KAZN: variants seen among roughly 807,000 people sequenced by gnomAD.
KAZN encodes kazrin.
KAZN carries 40 observed loss-of-function variants against 87.4 expected under a neutral mutation model. The ratio of observed to expected loss-of-function variants is 0.46; its 90% CI spans 0.36 to 0.60. The LOEUF (loss-of-function observed/expected upper bound fraction) is 0.60. KAZN is among the 20% of genes least tolerant of loss of function. KAZN has a pLI of 0.00. For synonymous variants in KAZN, 466 were observed against 458.3 expected, an observed-to-expected ratio of 1.02 and a Z score of -0.22; for missense variants, 898 against 1,073.9, an observed-to-expected ratio of 0.84 and a Z score of 2.29.
chr1:14,641,339 C>T (rs572837858), intron 1 of KAZN, among the ~76,000 whole-genome samples: 4 of 152,314 alleles, frequency 2.6e-5, no homozygotes, highest in African/African-American at 9.6e-5. Flanking sequence ...GATATCCCTG[C>T]ATCCAGTTGG....
intron 2 of KAZN, among the ~76,000 whole-genome samples, chr1:14,356,970 A>G (rs948403254): frequency 3.9e-5 from 6 of 152,216 alleles, no homozygotes; most frequent in African/African-American, 9.6e-5. Context: ...AAGAAAGTCA[A>G]TGGTGGCTTG....
chr1:14,303,121 A>C (rs1027647842), intron 2 of KAZN, among the ~76,000 whole-genome samples: 1 of 152,186 alleles, frequency 6.6e-6, no homozygotes, highest in Admixed American at 6.5e-5. Flanking sequence ...TTTAATGATT[A>C]AACAAAGAAG....
At chr1:14,126,934 C>A (rs7519861) in intron 1 of KAZN, among the ~76,000 whole-genome samples, 2 of 151,918 alleles carry the variant, frequency 1.3e-5, no homozygotes, top group Non-Finnish European at 2.9e-5. Flanking sequence ...GGTGAAACCC[C>A]GTCTCTACTA....
intron 1 of KAZN, among the ~76,000 whole-genome samples, chr1:14,906,543 T>G (rs1409166533): frequency 9.2e-5 from 14 of 151,864 alleles, no homozygotes; most frequent in Non-Finnish European, 5.9e-5. Context: ...TAAAGTTTAT[T>G]TTACTTTCTG....
chr1:13,983,689 C>T (rs12070438), intron 1 of KAZN, among the ~76,000 whole-genome samples: 6,582 of 152,296 alleles, frequency 0.043, 463 homozygotes, highest in African/African-American at 0.15. Flanking sequence ...CGAGAGCGAG[C>T]GAGGGCTGTG....
At chr1:14,235,308 C>G (rs535262906) in intron 2 of KAZN, among the ~76,000 whole-genome samples, 1 of 152,112 alleles carries the variant, frequency 6.6e-6, no homozygotes, top group Non-Finnish European at 1.5e-5. Context: ...GGATGAACTA[C>G]TATAACATGG....
At chr1:14,533,604 C>T (rs559321743) in intron 2 of KAZN, among the ~76,000 whole-genome samples, 1 of 152,240 alleles carries the variant, frequency 6.6e-6, no homozygotes, top group East Asian at 1.9e-4. Flanking sequence ...TAAATTTTAT[C>T]TGGCTGCACT....
chr1:14,857,677 T>C (rs1182543366), intron 1 of KAZN, among the ~76,000 whole-genome samples: 1 of 152,180 alleles, frequency 6.6e-6, no homozygotes, highest in Non-Finnish European at 1.5e-5. Flanking sequence ...AATGAAATGT[T>C]TTGTCGCTTT....
At chr1:14,206,602 A>G (rs1289823495) in intron 2 of KAZN, among the ~76,000 whole-genome samples, 1 of 152,188 alleles carries the variant, frequency 6.6e-6, no homozygotes, top group Admixed American at 6.5e-5. Context: ...TAAAAAAAAT[A>G]AAATCTTTTA....
chr1:14,422,137 CA>C (rs1665467707), intron 2 of KAZN, among the ~76,000 whole-genome samples: 1 of 152,120 alleles, frequency 6.6e-6, no homozygotes, highest in Admixed American at 6.6e-5. Flanking sequence ...AGAAAATAGG[CA>C]AATCGCTATT....
At chr1:14,509,994 G>A in intron 2 of KAZN, among the ~76,000 whole-genome samples, 1 of 146,384 alleles carries the variant, frequency 6.8e-6, no homozygotes, top group South Asian at 2.1e-4. Flanking sequence ...GAAGGCCAGT[G>A]TTGCTGGGGC....
At chr1:15,050,165 GAATAGAATAGA>G (rs1557757083) in intron 4 of KAZN, among the ~76,000 whole-genome samples, 730 of 53,772 alleles carry the variant, frequency 0.014, 8 homozygotes, top group African/African-American at 0.029. Context: ...GAATGGAATA[GAATAGAATAGA>G]ATAGAATAGA....
chr1:14,519,644 T>C (rs1039826500), intron 2 of KAZN, among the ~76,000 whole-genome samples: 6 of 152,100 alleles, frequency 3.9e-5, no homozygotes, highest in African/African-American at 1.4e-4. Context: ...AAGTGGTGAA[T>C]ATCCTCCCAT....
chr1:14,621,229 G>A (rs534455101), intron 1 of KAZN, among the ~76,000 whole-genome samples: 19 of 152,234 alleles, frequency 1.2e-4, no homozygotes, highest in African/African-American at 4.3e-4. Context: ...AAAGAGTGGG[G>A]CTTACTGCTC....
chr1:14,790,179 T>C (rs1220699880), intron 1 of KAZN, among the ~76,000 whole-genome samples: 2 of 151,740 alleles, frequency 1.3e-5, no homozygotes, highest in African/African-American at 4.9e-5. Context: ...TTTTGTTTTT[T>C]TCTTTTTTTT....
At chr1:14,539,353 G>A (rs1328347551) in intron 2 of KAZN, among the ~76,000 whole-genome samples, 1 of 152,138 alleles carries the variant, frequency 6.6e-6, no homozygotes, top group Non-Finnish European at 1.5e-5. Context: ...TCCTCGACTG[G>A]ATCCTGGAGC....
chr1:13,893,274 G>C (rs2100816042), exon 1 of KAZN: 1 of 165,158 alleles, frequency 6.1e-6, no homozygotes, highest in East Asian at 1.8e-4. Context: ...CCGGGGCTGA[G>C]CTGCTCCCGG....
chr1:14,303,150 C>T (rs1250230709), intron 2 of KAZN, among the ~76,000 whole-genome samples: 1 of 152,122 alleles, frequency 6.6e-6, no homozygotes, highest in African/African-American at 2.4e-5. Context: ...AAGTAGACGT[C>T]GGTGTTTCAC....
At chr1:14,336,495 CAT>C (rs1657282450) in intron 2 of KAZN, among the ~76,000 whole-genome samples, 1 of 152,192 alleles carries the variant, frequency 6.6e-6, no homozygotes, top group African/African-American at 2.4e-5. Flanking sequence ...ATGACTGTGT[CAT>C]ATGCTAATTC....
Sources: gnomAD v4.1 joint callset for allele counts (sites outside exome capture counted in the v4.1 genomes callset) on GRCh38, gnomAD v4.1.1 for gene constraint, MANE v1.5 for transcripts, NCBI Gene and HGNC (gene_info 2026-07-23, HGNC 2026-07-21) for gene names.